Variants in SLC39A11 observed in about 807,000 individuals in gnomAD.
The protein encoded by SLC39A11 is solute carrier family 39 member 11, also known as zinc transporter ZIP11.
SLC39A11 carries 33 observed loss-of-function variants against 36.1 expected under a neutral mutation model. The ratio of observed to expected loss-of-function variants is 0.91; its 90% CI spans 0.69 to 1.22. SLC39A11 has a LOEUF of 1.22. Ranked by LOEUF, SLC39A11 falls within the 50% of genes most tolerant of loss-of-function variation. The pLI, the probability that SLC39A11 is intolerant of heterozygous loss-of-function variation, is 0.00. For synonymous variants in SLC39A11, 166 were observed against 170.3 expected, an observed-to-expected ratio of 0.97 and a Z score of 0.20; for missense variants, 432 against 430.3, an observed-to-expected ratio of 1.00 and a Z score of -0.03.
chr17:72,949,851 A>C (rs1406510776), intron 4 of SLC39A11, among the ~76,000 whole-genome samples: 1 of 151,972 alleles, frequency 6.6e-6, no homozygotes, highest in Non-Finnish European at 1.5e-5. Flanking sequence ...AAATCTAATC[A>C]CATAAATGCA....
chr17:72,712,123 A>G (rs768013127), intron 7 of SLC39A11, among the ~76,000 whole-genome samples: 3 of 152,356 alleles, frequency 2.0e-5, no homozygotes, highest in Non-Finnish European at 4.4e-5. Flanking sequence ...CAGAAGACTC[A>G]AAGTTGTTGT....
intron 5 of SLC39A11, among the ~76,000 whole-genome samples, chr17:72,932,292 T>TTTATTATTATTATTATTATTATTA (rs544893367): frequency 0.052 from 7,556 of 144,366 alleles, 276 homozygotes; most frequent in African/African-American, 0.098. Context: ...GACCTGTTCT[T>TTTATTATTATTATTATTATTATTA]TTATTATTAT....
At chr17:72,853,858 G>A (rs946302018) in intron 5 of SLC39A11, among the ~76,000 whole-genome samples, 3 of 152,142 alleles carry the variant, frequency 2.0e-5, no homozygotes, top group Non-Finnish European at 2.9e-5. Flanking sequence ...ATGCTAGTGC[G>A]TGGGAAAAGG....
chr17:72,703,837 C>A (rs2714025), intron 7 of SLC39A11, among the ~76,000 whole-genome samples: 130,032 of 152,124 alleles, frequency 0.85, 55,615 homozygotes, highest in Admixed American at 0.88. Flanking sequence ...CAAAATAAGA[C>A]AAACTGTTGG....
intron 3 of SLC39A11, among the ~76,000 whole-genome samples, chr17:73,074,302 C>A (rs2060250300): frequency 1.7e-5 from 2 of 116,944 alleles, no homozygotes; most frequent in African/African-American, 6.3e-5. Context: ...ATTATTCCCC[C>A]CACCCCCCGC....
intron 6 of SLC39A11, among the ~76,000 whole-genome samples, chr17:72,767,169 GTTTC>G (rs2144640861): frequency 6.6e-6 from 1 of 152,340 alleles, no homozygotes; most frequent in African/African-American, 2.4e-5. Flanking sequence ...TGCTTTTTGT[GTTTC>G]TTTCCTCATT....
intron 6 of SLC39A11, among the ~76,000 whole-genome samples, chr17:72,842,895 G>A (rs1030375262): frequency 1.3e-5 from 2 of 152,138 alleles, no homozygotes; most frequent in Non-Finnish European, 2.9e-5. Context: ...TTCTTCCTAA[G>A]ACATTTCAAT....
chr17:73,048,025 ATC>A (rs1276724101), intron 3 of SLC39A11, among the ~76,000 whole-genome samples: 1 of 123,290 alleles, frequency 8.1e-6, no homozygotes, highest in Non-Finnish European at 1.7e-5. Flanking sequence ...ATATATATAT[ATC>A]ATGTATAGTT....
At chr17:73,076,562 A>T (rs1320912867) in intron 3 of SLC39A11, among the ~76,000 whole-genome samples, 2 of 152,212 alleles carry the variant, frequency 1.3e-5, no homozygotes, top group African/African-American at 4.8e-5. Context: ...TGCAAGGTAC[A>T]ATGGGACCCC....
At chr17:72,737,850 C>A (rs923211278) in intron 6 of SLC39A11, among the ~76,000 whole-genome samples, 1 of 152,100 alleles carries the variant, frequency 6.6e-6, no homozygotes. Context: ...CCAATTGAGG[C>A]CAGTCTCAAT....
chr17:73,024,210 G>C (rs1391160702), intron 4 of SLC39A11, among the ~76,000 whole-genome samples: 1 of 152,208 alleles, frequency 6.6e-6, no homozygotes, highest in Non-Finnish European at 1.5e-5. Flanking sequence ...CACACTGGAA[G>C]GATCTGCTAT....
At chr17:72,848,712 C>A (rs2079160770) in intron 6 of SLC39A11, among the ~76,000 whole-genome samples, 1 of 128,962 alleles carries the variant, frequency 7.8e-6, no homozygotes. Context: ...CAGAGCAAGA[C>A]TCTGTCTTAA....
intron 7 of SLC39A11, among the ~76,000 whole-genome samples, chr17:72,696,280 C>T (rs2072298618): frequency 6.6e-6 from 1 of 152,036 alleles, no homozygotes; most frequent in Non-Finnish European, 1.5e-5. Flanking sequence ...CTTACCCCGG[C>T]CTCTGAGTCT....
chr17:72,704,351 G>C (rs1300164718), intron 7 of SLC39A11, among the ~76,000 whole-genome samples: 1 of 152,184 alleles, frequency 6.6e-6, no homozygotes, highest in Non-Finnish European at 1.5e-5. Flanking sequence ...TTTGGACCTA[G>C]GAAGTCTGAC....
At chr17:72,672,755 T>C (rs2071078027) in intron 7 of SLC39A11, among the ~76,000 whole-genome samples, 1 of 152,048 alleles carries the variant, frequency 6.6e-6, no homozygotes, top group Non-Finnish European at 1.5e-5. Flanking sequence ...TATGCCACCA[T>C]GCTCAGCTAA....
chr17:72,983,928 T>G (rs2088522010), intron 4 of SLC39A11, among the ~76,000 whole-genome samples: 1 of 152,160 alleles, frequency 6.6e-6, no homozygotes. Flanking sequence ...AATCCCCAGA[T>G]GGATTTGGGA....
intron 6 of SLC39A11, among the ~76,000 whole-genome samples, chr17:72,754,730 C>G (rs1318630231): frequency 6.6e-6 from 1 of 152,154 alleles, no homozygotes; most frequent in Non-Finnish European, 1.5e-5. Context: ...ACCTTGGGAG[C>G]AGACCAATGC....
At chr17:73,064,389 A>G (rs1257970663) in intron 3 of SLC39A11, among the ~76,000 whole-genome samples, 1 of 152,188 alleles carries the variant, frequency 6.6e-6, no homozygotes, top group Non-Finnish European at 1.5e-5. Flanking sequence ...CAGAAGCATT[A>G]AACAGTCATG....
chr17:72,870,582 G>A (rs1050030484), intron 5 of SLC39A11, among the ~76,000 whole-genome samples: 1 of 152,160 alleles, frequency 6.6e-6, no homozygotes, highest in Non-Finnish European at 1.5e-5. Context: ...CCTGGTGTTG[G>A]TCTCATACAG....
Sources: gnomAD v4.1 joint callset for allele counts (sites outside exome capture counted in the v4.1 genomes callset) on GRCh38, gnomAD v4.1.1 for gene constraint, MANE v1.5 for transcripts, NCBI Gene and HGNC (gene_info 2026-07-23, HGNC 2026-07-21) for gene names.